RBFOX1: variants seen among roughly 807,000 people sequenced by gnomAD.
RBFOX1 encodes RNA binding fox-1 homolog 1, also known as RNA binding protein fox-1 homolog 1.
Under a neutral mutation model 57.7 loss-of-function variants are expected in RBFOX1, and 8 were observed. That is an observed-to-expected ratio of 0.14 (90% CI 0.08 to 0.25). The LOEUF (loss-of-function observed/expected upper bound fraction) is 0.25. RBFOX1 is among the 10% of genes least tolerant of loss of function. The pLI, the probability that RBFOX1 is intolerant of heterozygous loss-of-function variation, is 1.00. For missense variants in RBFOX1, 611 were observed against 548.5 expected (o/e 1.11, Z -1.14); for synonymous variants, 326 against 222.4 (o/e 1.47, Z -4.15).
At chr16:5,630,549 C>T (rs900365337) in intron 3 of RBFOX1, among the ~76,000 whole-genome samples, 7 of 152,182 alleles carry the variant, frequency 4.6e-5, no homozygotes, top group African/African-American at 1.7e-4. Flanking sequence ...CAATCTCTGC[C>T]TGCAGGCCAC....
At chr16:6,986,951 C>T (rs558611316) in intron 3 of RBFOX1, among the ~76,000 whole-genome samples, 2 of 152,164 alleles carry the variant, frequency 1.3e-5, no homozygotes, top group Non-Finnish European at 2.9e-5. Context: ...CGCCTGCATT[C>T]CCTACCCATG....
chr16:6,227,092 C>G (rs1008566948), intron 1 of RBFOX1, among the ~76,000 whole-genome samples: 1 of 151,832 alleles, frequency 6.6e-6, no homozygotes, highest in Non-Finnish European at 1.5e-5. Flanking sequence ...CCACTGAACT[C>G]CAGCGTAGGT....
At chr16:6,394,780 G>A (rs1385607809) in intron 2 of RBFOX1, among the ~76,000 whole-genome samples, 1 of 152,094 alleles carries the variant, frequency 6.6e-6, no homozygotes, top group East Asian at 1.9e-4. Flanking sequence ...AAACAGCTCA[G>A]CCACGATCCC....
At chr16:6,873,210 C>T (rs953020419) in intron 3 of RBFOX1, among the ~76,000 whole-genome samples, 1 of 151,174 alleles carries the variant, frequency 6.6e-6, no homozygotes, top group Admixed American at 6.6e-5. Flanking sequence ...AGATTTTTGC[C>T]TCCTTTTTCA....
chr16:7,697,717 C>T (rs191325942), intron 14 of RBFOX1, among the ~76,000 whole-genome samples: 43 of 152,288 alleles, frequency 2.8e-4, no homozygotes, highest in African/African-American at 9.6e-4. Context: ...GTCACACTGC[C>T]TCCACACACA....
At chr16:5,895,009 T>TGA in intron 4 of RBFOX1, among the ~76,000 whole-genome samples, 1 of 148,278 alleles carries the variant, frequency 6.7e-6, no homozygotes, top group Middle Eastern at 3.5e-3. Context: ...GGCAACAGAG[T>TGA]GAGACTCCGT....
At chr16:7,648,594 A>G (rs1384377555) in intron 11 of RBFOX1, among the ~76,000 whole-genome samples, 1 of 152,190 alleles carries the variant, frequency 6.6e-6, no homozygotes, top group Non-Finnish European at 1.5e-5. Context: ...GTTTGGAATT[A>G]TCAAGATTGT....
intron 4 of RBFOX1, among the ~76,000 whole-genome samples, chr16:7,405,745 A>G (rs902816792): frequency 4.6e-5 from 7 of 152,160 alleles, no homozygotes; most frequent in African/African-American, 1.4e-4. Flanking sequence ...CTTGGATGAC[A>G]CAGAGGGGGT....
chr16:7,444,444 C>T (rs1291558581), intron 4 of RBFOX1, among the ~76,000 whole-genome samples: 2 of 152,118 alleles, frequency 1.3e-5, no homozygotes, highest in Non-Finnish European at 2.9e-5. Flanking sequence ...GAAGACTGAA[C>T]AGCCTAGGGG....
chr16:5,282,285 G>A (rs2151150854), intron 1 of RBFOX1, among the ~76,000 whole-genome samples: 1 of 152,300 alleles, frequency 6.6e-6, no homozygotes, highest in East Asian at 1.9e-4. Flanking sequence ...TTTATCTTTT[G>A]TAAATTTCCC....
At chr16:5,830,581 C>G (rs562302035) in intron 3 of RBFOX1, among the ~76,000 whole-genome samples, 1 of 152,180 alleles carries the variant, frequency 6.6e-6, no homozygotes, top group South Asian at 2.1e-4. Flanking sequence ...GGGTGGGTGT[C>G]AGTAGCCAGC....
intron 3 of RBFOX1, among the ~76,000 whole-genome samples, chr16:6,700,006 G>A (rs2061588106): frequency 6.6e-6 from 1 of 152,078 alleles, no homozygotes; most frequent in Non-Finnish European, 1.5e-5. Flanking sequence ...CATGTTTTCA[G>A]GGTATCTTTT....
rs1282887833 is a variant in RBFOX1 at position 6,666,494 on chromosome 16, C to T, written c.-16+11844C>T. ...GGCAGAGGTTACAGTCAGCTGAGAT[C>T]ACACCACTGCACTCCAGCCTGGGTG... On this transcript the variant is annotated intron_variant, in intron 3 of 15. Transcript: ENST00000550418. Among the ~76,000 whole-genome samples, 3 of 147,086 alleles carry T rather than the reference C, an allele frequency of 2.0e-5. No homozygotes were observed. The East Asian group carries it at 6.1e-4, about 30-fold the overall frequency.
chr16:6,373,162 G>A (rs1177603971), intron 2 of RBFOX1, among the ~76,000 whole-genome samples: 1 of 152,164 alleles, frequency 6.6e-6, no homozygotes, highest in Non-Finnish European at 1.5e-5. Flanking sequence ...GGATCTTTGG[G>A]TAGGAGGATG....
chr16:6,857,901 C>G (rs1437359813), intron 3 of RBFOX1, among the ~76,000 whole-genome samples: 1 of 152,160 alleles, frequency 6.6e-6, no homozygotes, highest in Non-Finnish European at 1.5e-5. Context: ...ATGAGCCTAT[C>G]CCACAGAAGT....
chr16:7,060,072 C>A (rs2053772605), intron 4 of RBFOX1, among the ~76,000 whole-genome samples: 1 of 152,110 alleles, frequency 6.6e-6, no homozygotes, highest in African/African-American at 2.4e-5. Flanking sequence ...TCTCATTCCA[C>A]TTTAATCAAA....
chr16:7,694,848 C>G (rs1297462945), intron 14 of RBFOX1, among the ~76,000 whole-genome samples: 1 of 152,172 alleles, frequency 6.6e-6, no homozygotes, highest in African/African-American at 2.4e-5. Flanking sequence ...TTAAAATGTT[C>G]ATAGGCCTCA....
At chr16:7,469,814 C>T (rs1460063297) in intron 4 of RBFOX1, among the ~76,000 whole-genome samples, 3 of 152,156 alleles carry the variant, frequency 2.0e-5, no homozygotes, top group Admixed American at 2.0e-4. Context: ...AACTGAAATT[C>T]TGTCCCCATT....
At chr16:7,620,822 A>G (rs1214500241) in intron 10 of RBFOX1, among the ~76,000 whole-genome samples, 1 of 152,196 alleles carries the variant, frequency 6.6e-6, no homozygotes, top group Non-Finnish European at 1.5e-5. Flanking sequence ...GTTCAGTTTT[A>G]TTATACTTTT....
Sources: allele counts gnomAD v4.1 joint callset (sites outside exome capture counted in the v4.1 genomes callset), GRCh38; gene constraint gnomAD v4.1.1; transcripts MANE v1.5; gene names NCBI Gene and HGNC (gene_info 2026-07-23, HGNC 2026-07-21).